The following HECW2 variants were observed in gnomAD, a reference collection of about 807,000 sequenced individuals.
HECW2 encodes E3 ubiquitin-protein ligase HECW2.
HECW2 carries 61 observed loss-of-function variants against 175.2 expected under a neutral mutation model. The observed-to-expected ratio is 0.35, with a 90% CI of 0.28 to 0.43. The LOEUF (loss-of-function observed/expected upper bound fraction) is 0.43. HECW2 is among the 20% of genes least tolerant of loss of function. The pLI, the probability that HECW2 is intolerant of heterozygous loss-of-function variation, is 1.00. For synonymous variants in HECW2, 671 were observed against 731.0 expected, an observed-to-expected ratio of 0.92 and a Z score of 1.32; for missense variants, 1,524 against 2,000.5, an observed-to-expected ratio of 0.76 and a Z score of 4.54.
chr2:196,399,515 T>C (rs1282777461), intron 2 of HECW2, among the ~76,000 whole-genome samples: 3 of 152,164 alleles, frequency 2.0e-5, no homozygotes, highest in East Asian at 1.9e-4. Flanking sequence ...AGAACAACGA[T>C]TGCTGATCCA....
intron 2 of HECW2, among the ~76,000 whole-genome samples, chr2:196,371,050 T>A (rs542983919): frequency 5.9e-5 from 9 of 152,210 alleles, no homozygotes; most frequent in African/African-American, 2.2e-4. Flanking sequence ...GGAGAGTCGT[T>A]CAATTTGGTG....
intron 17 of HECW2, among the ~76,000 whole-genome samples, chr2:196,259,857 T>C (rs893615832): frequency 3.3e-5 from 5 of 152,220 alleles, no homozygotes; most frequent in African/African-American, 9.6e-5. Flanking sequence ...ACTACTCTTA[T>C]AAGGGTCAGT....
intron 1 of HECW2, among the ~76,000 whole-genome samples, chr2:196,515,770 T>C (rs1484887473): frequency 6.6e-6 from 1 of 152,158 alleles, no homozygotes; most frequent in Non-Finnish European, 1.5e-5. Context: ...AAAAATCTCT[T>C]CTTCCACTCC....
At chr2:196,298,938 AT>A (rs1312045628) in intron 13 of HECW2, among the ~76,000 whole-genome samples, 1 of 152,216 alleles carries the variant, frequency 6.6e-6, no homozygotes, top group Non-Finnish European at 1.5e-5. Flanking sequence ...ATAAAAGTTT[AT>A]TTTATAACAT....
At chr2:196,533,472 T>TG (rs1327942774) in intron 1 of HECW2, among the ~76,000 whole-genome samples, 11 of 151,942 alleles carry the variant, frequency 7.2e-5, no homozygotes, top group Non-Finnish European at 1.3e-4. Flanking sequence ...TTTTTTTGTG[T>TG]GTGTGGGGGG....
chr2:196,366,161 G>C (rs930562594), intron 2 of HECW2, among the ~76,000 whole-genome samples: 1 of 152,090 alleles, frequency 6.6e-6, no homozygotes, highest in African/African-American at 2.4e-5. Context: ...CTTGATCAAG[G>C]GAGCACCACA....
At chr2:196,202,847 A>G (rs1164459801) in intron 28 of HECW2, among the ~76,000 whole-genome samples, 1 of 152,184 alleles carries the variant, frequency 6.6e-6, no homozygotes, top group Non-Finnish European at 1.5e-5. Context: ...TTTCTTTGGA[A>G]TTTGGAATAT....
intron 22 of HECW2, 76 bp from the exon 23 acceptor site, chr2:196,225,946 C>T (rs1687833462): frequency 3.5e-6 from 3 of 861,122 alleles, no homozygotes; most frequent in South Asian, 2.8e-5. Flanking sequence ...TTCTAGAATG[C>T]CTTCCAGCGC....
intron 2 of HECW2, among the ~76,000 whole-genome samples, chr2:196,371,620 AT>A (rs1203522166): frequency 6.6e-6 from 1 of 152,216 alleles, no homozygotes; most frequent in African/African-American, 2.4e-5. Flanking sequence ...ATTCAATCTA[AT>A]AATAAAATTT....
chr2:196,593,242 G>C (rs931592215), intron 1 of HECW2, among the ~76,000 whole-genome samples: 1 of 151,596 alleles, frequency 6.6e-6, no homozygotes, highest in Non-Finnish European at 1.5e-5. Flanking sequence ...AGCGGCAGCG[G>C]GGACGCGCGA....
chr2:196,278,133 A>AAAAAAAAATAT (rs531920307), intron 15 of HECW2, among the ~76,000 whole-genome samples: 1 of 66,550 alleles, frequency 1.5e-5, no homozygotes, highest in Non-Finnish European at 3.3e-5. Flanking sequence ...ATAATTAAAA[A>AAAAAAAAATAT]ATATATATAT....
chr2:196,391,545 A>G (rs16850723), intron 2 of HECW2, among the ~76,000 whole-genome samples: 16,885 of 152,214 alleles, frequency 0.11, 1,391 homozygotes, highest in East Asian at 0.37. Context: ...TTGGAACCCA[A>G]AGGCTTATCA....
chr2:196,502,580 G>A (rs761433467), intron 1 of HECW2, among the ~76,000 whole-genome samples: 3 of 152,104 alleles, frequency 2.0e-5, no homozygotes, highest in African/African-American at 7.2e-5. Context: ...ATACATATTC[G>A]TACTCCAATG....
At chr2:196,495,072 C>CTTT (rs113446687) in intron 1 of HECW2, among the ~76,000 whole-genome samples, 14 of 144,260 alleles carry the variant, frequency 9.7e-5, no homozygotes, top group African/African-American at 3.6e-4. Flanking sequence ...ATATATCATT[C>CTTT]TTTTTTTTTT....
At chr2:196,268,293 T>C (rs1361404687) in intron 17 of HECW2, among the ~76,000 whole-genome samples, 4 of 152,198 alleles carry the variant, frequency 2.6e-5, no homozygotes, top group Non-Finnish European at 5.9e-5. Flanking sequence ...CATGGTCACA[T>C]TCTGTAAAGA....
chr2:196,248,604 ACAC>A (rs1688739093), intron 19 of HECW2, among the ~76,000 whole-genome samples: 9 of 140,386 alleles, frequency 6.4e-5, no homozygotes, highest in Non-Finnish European at 8.9e-5. Flanking sequence ...ACAGACACAC[ACAC>A]ACACACACAC....
intron 3 of HECW2, among the ~76,000 whole-genome samples, chr2:196,341,685 A>C (rs577385696): frequency 1.3e-5 from 2 of 152,248 alleles, no homozygotes; most frequent in Non-Finnish European, 2.9e-5. Flanking sequence ...TTTTGTGAGC[A>C]TTTTCCCTTA....
intron 1 of HECW2, among the ~76,000 whole-genome samples, chr2:196,461,837 G>A (rs1036548770): frequency 1.3e-5 from 2 of 152,072 alleles, no homozygotes; most frequent in Non-Finnish European, 2.9e-5. Flanking sequence ...CTGGTCTCTC[G>A]CCTGACACAC....
At chr2:196,224,348 A>C (rs974325327) in intron 23 of HECW2, among the ~76,000 whole-genome samples, 1 of 152,162 alleles carries the variant, frequency 6.6e-6, no homozygotes, top group Non-Finnish European at 1.5e-5. Context: ...GTGAGGCTAC[A>C]CCTTAAGGGA....
Sources: allele counts gnomAD v4.1 joint callset (sites outside exome capture counted in the v4.1 genomes callset), GRCh38; gene constraint gnomAD v4.1.1; transcripts MANE v1.5; gene names NCBI Gene and HGNC (gene_info 2026-07-23, HGNC 2026-07-21).